PHLPP2: variants seen among roughly 807,000 people sequenced by gnomAD.
PHLPP2 encodes PH domain and leucine rich repeat protein phosphatase 2.
In PHLPP2, 66 loss-of-function variants were observed where a neutral mutation model predicts 124.9. The observed-to-expected ratio is 0.53, with a 90% CI of 0.43 to 0.65. The LOEUF is 0.65. PHLPP2 is among the 30% of genes least tolerant of loss of function. The pLI, the probability that PHLPP2 is intolerant of heterozygous loss-of-function variation, is 0.00. For synonymous variants in PHLPP2, 681 were observed against 624.7 expected, an observed-to-expected ratio of 1.09 and a Z score of -1.34; for missense variants, 1,685 against 1,600.4, an observed-to-expected ratio of 1.05 and a Z score of -0.90.
At chr16:71,676,694 T>A in intron 8 of PHLPP2, 45 bp from the exon 9 acceptor site, 1 of 1,340,532 alleles carries the variant, frequency 7.5e-7, no homozygotes, top group Non-Finnish European at 1.1e-6. Flanking sequence ...AAGAGTCTAT[T>A]AAATGTGCTT....
In PHLPP2 at chr16:71,650,059, G is replaced by A; in HGVS notation, c.2818-15C>T. The A allele has an allele frequency of 6.3e-7, 1 of 1,590,322 alleles. No individual in the cohort carries two copies. The highest frequency in any genetic ancestry group is 8.5e-7 in the Non-Finnish European group (1 of 1,170,286). Reference sequence around the variant, plus strand: ...ACTTTGTTGTCCTACAGAAGAGCAGGACACAAATTCTGAGAAACAAGCAAC... The same window carrying A: ...ACTTTGTTGTCCTACAGAAGAGCAGAACACAAATTCTGAGAAACAAGCAAC... On this transcript the variant is annotated splice_polypyrimidine_tract_variant and intron_variant, in intron 18 of 18. Transcript: ENST00000568954.
intron 5 of PHLPP2, among the ~76,000 whole-genome samples, chr16:71,682,482 C>T (rs1450811740): frequency 2.6e-5 from 4 of 151,924 alleles, no homozygotes; most frequent in African/African-American, 9.7e-5. Context: ...AGCACCCGGT[C>T]GCAAGAAGTT....
intron 1 of PHLPP2, among the ~76,000 whole-genome samples, chr16:71,718,349 G>A (rs1357946836): frequency 6.6e-6 from 1 of 152,186 alleles, no homozygotes; most frequent in Non-Finnish European, 1.5e-5. Context: ...GGAGGCCAAG[G>A]CAGGCGGATC....
intron 9 of PHLPP2, among the ~76,000 whole-genome samples, chr16:71,674,398 TA>T (rs2044924762): frequency 6.6e-6 from 1 of 151,074 alleles, no homozygotes; most frequent in Non-Finnish European, 1.5e-5. Context: ...TTTTTTTTTT[TA>T]AAGAATTAAA....
chr16:71,708,324 T>A (rs1207754470), intron 2 of PHLPP2, among the ~76,000 whole-genome samples: 1 of 152,200 alleles, frequency 6.6e-6, no homozygotes, highest in African/African-American at 2.4e-5. Flanking sequence ...CATTACCTTG[T>A]GAAATTCCTT....
In PHLPP2 at chr16:71,647,725, T is replaced by C. The variant is rs2044663726; in HGVS notation, c.*1165A>G. On this transcript the variant is annotated 3_prime_UTR_variant, in exon 19 of 19. Coordinates refer to ENST00000568954, the MANE Select transcript of PHLPP2 (RefSeq NM_015020.3). Reference sequence around the variant, plus strand: ...GGGAAATACCTAGCAGGTATCATATTTGTCAAGGGGTAATTCTCTTTTTCT... The same window carrying C: ...GGGAAATACCTAGCAGGTATCATATCTGTCAAGGGGTAATTCTCTTTTTCT... 6.6e-6 allele frequency: 1 copy of C among 152,210 alleles called. No individual in the cohort carries two copies. Among genetic ancestry groups the C allele is most frequent in the East Asian group, 1.9e-4 (1 of 5,168 alleles). 9.4% of individuals were successfully genotyped at this position (152,210 alleles called of 1,614,324 possible).
At position 71,655,394 on chromosome 16, in the gene PHLPP2, C is replaced by T. The variant is rs1277323857; in HGVS notation, c.2431G>A (p.Gly811Arg). The change falls in exon 17 of 19, where the codon GGG becomes AGG. Residue 811 changes from glycine to arginine, a missense_variant. Gly to Arg is a moderately radical substitution (Grantham distance 125). Transcript: ENST00000568954. ...AACATGCCATACACAGCTCCCACCC[C>T]CTCTGCAAAGCTATCCATAGCAAGT... ...SALAMDSFAEGVGAVYGMFDG... is the reference protein window; with the variant it reads ...SALAMDSFAERVGAVYGMFDG... The T allele has an allele frequency of 6.2e-6, 10 of 1,614,156 alleles. No individual in the cohort carries two copies. The highest frequency in any genetic ancestry group is 8.5e-6 in the Non-Finnish European group (10 of 1,180,018).
chr16:71,688,364 A>C (rs186000626), intron 4 of PHLPP2, among the ~76,000 whole-genome samples: 1 of 152,158 alleles, frequency 6.6e-6, no homozygotes, highest in Admixed American at 6.5e-5. Flanking sequence ...GAGTTTAACC[A>C]CTTAAGTTTT....
chr16:71,694,424 G>C (rs1197869196), intron 3 of PHLPP2, among the ~76,000 whole-genome samples: 1 of 152,034 alleles, frequency 6.6e-6, no homozygotes, highest in Admixed American at 6.6e-5. Flanking sequence ...TCATGCCATT[G>C]CACTCCTACC....
chr16:71,700,679 C>G (rs1301307542), intron 3 of PHLPP2, among the ~76,000 whole-genome samples: 1 of 151,960 alleles, frequency 6.6e-6, no homozygotes, highest in African/African-American at 2.4e-5. Flanking sequence ...GTGCCCGCCA[C>G]CAGGCCCAGC....
At chr16:71,693,569 A>G (rs551653935) in intron 3 of PHLPP2, among the ~76,000 whole-genome samples, 1 of 152,316 alleles carries the variant, frequency 6.6e-6, no homozygotes, top group African/African-American at 2.4e-5. Context: ...CACTGGCACC[A>G]GACTGATCTT....
At chr16:71,681,694 G>C (rs1253761593) in intron 6 of PHLPP2, 57 bp downstream of exon 6, 49 of 1,378,754 alleles carry the variant, frequency 3.6e-5, no homozygotes, top group Admixed American at 6.5e-5. Flanking sequence ...GAAGCCATAA[G>C]ATACTGATTA....
intron 17 of PHLPP2, 79 bp downstream of exon 17, chr16:71,655,161 G>A: frequency 1.1e-6 from 1 of 909,486 alleles, no homozygotes. Flanking sequence ...CCATAATTTA[G>A]ACCCTGACCT....
At position 71,644,937 on chromosome 16, in the gene PHLPP2, C is replaced by A; in HGVS notation, c.*3953G>T. 1 of 324,452 alleles carries A rather than the reference C, an allele frequency of 3.1e-6. No homozygotes were observed. Among genetic ancestry groups the A allele is most frequent in the South Asian group, 2.4e-5 (1 of 41,824 alleles). The allele number at this position is 324,452 out of a possible 1,614,324, so 20.1% of individuals were successfully genotyped here. ...ACAAGCACTCCATTTTAAAACAAAG[C>A]CATGAAAAAGATTCCACTTTATTTT... On this transcript the variant is annotated 3_prime_UTR_variant, in exon 19 of 19. Transcript: ENST00000568954.
At chr16:71,702,166 A>G (rs1236082031) in intron 3 of PHLPP2, among the ~76,000 whole-genome samples, 1 of 152,222 alleles carries the variant, frequency 6.6e-6, no homozygotes, top group Admixed American at 6.5e-5. Flanking sequence ...CCTAGATTTA[A>G]ACCCCACTAA....
intron 13 of PHLPP2, among the ~76,000 whole-genome samples, chr16:71,662,267 A>T (rs1555545012): frequency 6.6e-6 from 1 of 151,930 alleles, no homozygotes; most frequent in Non-Finnish European, 1.5e-5. Flanking sequence ...CTGTCTCTAC[A>T]AAAATACAAA....
intron 1 of PHLPP2, chr16:71,724,006 C>G (rs984650730): frequency 4.9e-6 from 1 of 202,710 alleles, no homozygotes; most frequent in Non-Finnish European, 8.8e-6. Flanking sequence ...CTCCGCCCCT[C>G]CCGCAGCCCC....
At chr16:71,652,151 A>G (rs1582589) in intron 18 of PHLPP2, among the ~76,000 whole-genome samples, 50,590 of 152,172 alleles carry the variant, frequency 0.33, 9,174 homozygotes, top group East Asian at 0.74. Flanking sequence ...ACTTGTTTCC[A>G]AAATATACAA....
chr16:71,654,218 A>AC (rs1483359966), intron 17 of PHLPP2, among the ~76,000 whole-genome samples: 3 of 150,148 alleles, frequency 2.0e-5, no homozygotes, highest in East Asian at 1.9e-4. Flanking sequence ...AAAAAAAAAA[A>AC]AAAAAAAAAA....
Sources: gnomAD v4.1 joint callset for allele counts (sites outside exome capture counted in the v4.1 genomes callset) on GRCh38, gnomAD v4.1.1 for gene constraint, MANE v1.5 for transcripts, NCBI Gene and HGNC (gene_info 2026-07-23, HGNC 2026-07-21) for gene names.